ZNRF1: variants seen among roughly 807,000 people sequenced by gnomAD.
ZNRF1 encodes E3 ubiquitin-protein ligase ZNRF1.
Under a neutral mutation model 18.4 loss-of-function variants are expected in ZNRF1, and 3 were observed. The observed-to-expected ratio is 0.16, with a 90% CI of 0.07 to 0.42. ZNRF1 has a LOEUF of 0.42. ZNRF1 is among the 10% of genes least tolerant of loss of function. The pLI is 0.99. For missense variants in ZNRF1, 310 were observed against 329.8 expected (o/e 0.94, Z 0.47); for synonymous variants, 157 against 144.2 (o/e 1.09, Z -0.64).
chr16:75,021,898 T>C (rs2035154374), intron 1 of ZNRF1, among the ~76,000 whole-genome samples: 1 of 152,248 alleles, frequency 6.6e-6, no homozygotes, highest in African/African-American at 2.4e-5. Context: ...CTTCAAATTT[T>C]ACCTTTCTTT....
chr16:75,020,764 G>A (rs902232715), intron 1 of ZNRF1, among the ~76,000 whole-genome samples: 4 of 151,976 alleles, frequency 2.6e-5, no homozygotes, highest in Admixed American at 6.6e-5. Context: ...GGAAGGTCTC[G>A]ATCTCCTGAC....
rs1597866551 is a variant in ZNRF1, at chr16:75,028,179, T to A, written c.424+28084T>A. ...TAAATATTACCGCTCTAGTGGTACA[T>A]TCCTATTGGCATACTAACTGCTGCT... On this transcript the variant is annotated intron_variant, in intron 1 of 4. Transcript: ENST00000335325. 2.6e-5 allele frequency among the ~76,000 whole-genome samples: 4 copies of A among 152,348 alleles called. No homozygotes were observed. In the South Asian group the frequency reaches 8.3e-4, roughly 32 times the overall value.
rs142271982 is a variant in ZNRF1 at position 75,008,132 on chromosome 16, G to A, written c.424+8037G>A. Among the ~76,000 whole-genome samples the A allele has an allele frequency of 5.7e-4, 87 of 152,168 alleles. No individual in the cohort carries two copies. The East Asian group carries it at 0.015, about 27-fold the overall frequency. On this transcript the variant is annotated intron_variant, in intron 1 of 4. Transcript: ENST00000335325. Reference sequence around the variant, plus strand: ...GGCCTCAAGTGAGCCTTCCACCTCAGCTTCCCAAAATACTGGGATTATAAG... The same window carrying A: ...GGCCTCAAGTGAGCCTTCCACCTCAACTTCCCAAAATACTGGGATTATAAG...
At chr16:75,090,353 T>C (rs964500767) in intron 1 of ZNRF1, among the ~76,000 whole-genome samples, 1 of 142,722 alleles carries the variant, frequency 7.0e-6, no homozygotes, top group Non-Finnish European at 1.6e-5. Flanking sequence ...TTCTTTATAG[T>C]CTTCTGGGGT....
At chr16:75,003,985 G>A (rs2034886631) in intron 1 of ZNRF1, among the ~76,000 whole-genome samples, 1 of 151,460 alleles carries the variant, frequency 6.6e-6, no homozygotes, top group Admixed American at 6.6e-5. Context: ...TTTTGAGACA[G>A]GGTCTTATTC....
chr16:75,018,297 A>T (rs1438361913), intron 1 of ZNRF1, among the ~76,000 whole-genome samples: 1 of 152,144 alleles, frequency 6.6e-6, no homozygotes, highest in African/African-American at 2.4e-5. Context: ...GTTTCTTGTT[A>T]TGCTCTTGTA....
At chr16:75,062,468 A>C (rs1356295053) in intron 1 of ZNRF1, among the ~76,000 whole-genome samples, 2 of 152,250 alleles carry the variant, frequency 1.3e-5, no homozygotes, top group African/African-American at 2.4e-5. Context: ...GAGCTAAGTC[A>C]AAGAGAGTGC....
chr16:75,036,418 A>G (rs147868937), intron 1 of ZNRF1, among the ~76,000 whole-genome samples: 250 of 152,284 alleles, frequency 1.6e-3, no homozygotes, highest in Non-Finnish European at 2.6e-3. Context: ...GCCGTGAGCC[A>G]CTACACCGGG....
chr16:75,056,590 C>A (rs1302575927), intron 1 of ZNRF1, among the ~76,000 whole-genome samples: 1 of 151,910 alleles, frequency 6.6e-6, no homozygotes, highest in East Asian at 1.9e-4. Flanking sequence ...GAGGATAGAT[C>A]ATTTTCATTT....
chr16:75,002,067 C>G (rs1200032759), intron 1 of ZNRF1, among the ~76,000 whole-genome samples: 1 of 152,174 alleles, frequency 6.6e-6, no homozygotes, highest in Non-Finnish European at 1.5e-5. Context: ...ATCGAGCATA[C>G]CTACTAAATG....
At chr16:75,081,787 G>A (rs564501108) in intron 1 of ZNRF1, among the ~76,000 whole-genome samples, 11 of 152,138 alleles carry the variant, frequency 7.2e-5, no homozygotes, top group African/African-American at 2.2e-4. Flanking sequence ...GAAATTCTTG[G>A]GCTACTGCAC....
At chr16:75,053,529 C>T (rs937137214) in intron 1 of ZNRF1, among the ~76,000 whole-genome samples, 4 of 140,428 alleles carry the variant, frequency 2.8e-5, no homozygotes, top group Admixed American at 7.8e-5. Flanking sequence ...GCGGAGGTTG[C>T]GGTGAGCCGA....
At chr16:75,031,087 C>A (rs969016124) in intron 1 of ZNRF1, among the ~76,000 whole-genome samples, 7 of 151,654 alleles carry the variant, frequency 4.6e-5, no homozygotes, top group African/African-American at 1.5e-4. Flanking sequence ...CCGCCCACCT[C>A]AGCCTCCCAA....
chr16:75,094,335 A>G (rs1395246522), intron 2 of ZNRF1, among the ~76,000 whole-genome samples: 2 of 152,132 alleles, frequency 1.3e-5, no homozygotes, highest in Non-Finnish European at 2.9e-5. Flanking sequence ...AGAGGGTAGG[A>G]CCCTGAGGGC....
intron 1 of ZNRF1, among the ~76,000 whole-genome samples, chr16:75,014,183 T>C (rs746307444): frequency 2.0e-5 from 3 of 152,188 alleles, no homozygotes; most frequent in African/African-American, 4.8e-5. Flanking sequence ...AAAGATAATA[T>C]GCTCACCTAC....
chr16:75,061,738 T>C (rs1419819938), intron 1 of ZNRF1, among the ~76,000 whole-genome samples: 3 of 152,200 alleles, frequency 2.0e-5, no homozygotes, highest in African/African-American at 7.2e-5. Flanking sequence ...AGTATGGGAC[T>C]TCTCAATTGA....
chr16:75,090,716 T>A (rs2036127461), intron 1 of ZNRF1, among the ~76,000 whole-genome samples: 1 of 152,106 alleles, frequency 6.6e-6, no homozygotes, highest in African/African-American at 2.4e-5. Context: ...GTCCACTTTG[T>A]CTGTAGTTAG....
intron 1 of ZNRF1, among the ~76,000 whole-genome samples, chr16:75,087,087 C>T (rs2036083317): frequency 6.6e-6 from 1 of 152,182 alleles, no homozygotes. Flanking sequence ...AGCATAAAAA[C>T]TCGAGTTGAT....
rs556114286 is a variant in ZNRF1, at chr16:75,066,364, T to C, written c.425-27208T>C. 3.9e-5 allele frequency among the ~76,000 whole-genome samples: 6 copies of C among 152,114 alleles called. No homozygotes were observed. The South Asian group carries it at 1.2e-3, about 32-fold the overall frequency. On this transcript the variant is annotated intron_variant, in intron 1 of 4. Transcript: ENST00000335325. ...CAGTAGACCAAAGGAGGGGAAGACA[T>C]GATTATCTCATTTGATACGGAAAAC...
Sources: gnomAD v4.1 joint callset for allele counts (sites outside exome capture counted in the v4.1 genomes callset) on GRCh38, gnomAD v4.1.1 for gene constraint, MANE v1.5 for transcripts, NCBI Gene and HGNC (gene_info 2026-07-23, HGNC 2026-07-21) for gene names.